The following CTNND2 variants were observed in gnomAD, a reference collection of about 807,000 sequenced individuals.
CTNND2 encodes catenin delta 2.
A neutral mutation model predicts 144.4 loss-of-function variants in CTNND2; 22 were observed. The ratio of observed to expected loss-of-function variants is 0.15; its 90% CI spans 0.11 to 0.22. CTNND2 has a LOEUF of 0.22. Ranked by LOEUF, CTNND2 falls within the 10% of genes least tolerant of loss-of-function variation. The probability of loss-of-function intolerance (pLI) is 1.00; values close to 1 mark genes in which losing one functional copy is unlikely to be tolerated. For synonymous variants in CTNND2, 751 were observed against 695.6 expected, an observed-to-expected ratio of 1.08 and a Z score of -1.25; for missense variants, 1,353 against 1,618.8, an observed-to-expected ratio of 0.84 and a Z score of 2.82.
intron 2 of CTNND2, among the ~76,000 whole-genome samples, chr5:11,586,002 G>A (rs1016741737): frequency 6.6e-6 from 1 of 152,180 alleles, no homozygotes; most frequent in African/African-American, 2.4e-5. Flanking sequence ...GGAGGGATGG[G>A]TGGCTGGTGG....
intron 3 of CTNND2, among the ~76,000 whole-genome samples, chr5:11,505,326 G>A (rs1259670080): frequency 6.6e-6 from 1 of 152,146 alleles, no homozygotes. Context: ...AGTTTGCCTA[G>A]GAGAGAAGTT....
At chr5:11,431,733 C>A (rs1304965884) in intron 3 of CTNND2, among the ~76,000 whole-genome samples, 1 of 152,102 alleles carries the variant, frequency 6.6e-6, no homozygotes, top group Non-Finnish European at 1.5e-5. Context: ...CAGTAAATTG[C>A]CTCAGTTATT....
At chr5:11,898,370 T>G (rs1458471) in intron 1 of CTNND2, among the ~76,000 whole-genome samples, 117,757 of 152,148 alleles carry the variant, frequency 0.77, 45,725 homozygotes, top group South Asian at 0.82. Context: ...CAATAAAGCA[T>G]TTGTACATTA....
At chr5:11,081,154 G>A (rs1432884326) in intron 16 of CTNND2, among the ~76,000 whole-genome samples, 1 of 151,466 alleles carries the variant, frequency 6.6e-6, no homozygotes, top group Admixed American at 6.6e-5. Flanking sequence ...AGGTAGAATG[G>A]TGGTTATGAG....
intron 9 of CTNND2, among the ~76,000 whole-genome samples, chr5:11,336,910 C>T (rs755211193): frequency 1.1e-4 from 17 of 152,080 alleles, no homozygotes; most frequent in Non-Finnish European, 2.5e-4. Context: ...AAGATTATCC[C>T]TAGAGGAAGA....
chr5:11,204,448 T>G (rs1737830067), intron 10 of CTNND2, among the ~76,000 whole-genome samples: 1 of 152,242 alleles, frequency 6.6e-6, no homozygotes, highest in East Asian at 1.9e-4. Context: ...TCTTCCTTGT[T>G]TTTTCCTTAA....
chr5:11,741,690 C>G (rs185728584), intron 1 of CTNND2, among the ~76,000 whole-genome samples: 1,565 of 151,178 alleles, frequency 0.01, 25 homozygotes, highest in African/African-American at 0.037. Flanking sequence ...GCACGTTGTA[C>G]ACATGTACCC....
At chr5:11,573,967 T>G (rs1777773143) in intron 2 of CTNND2, among the ~76,000 whole-genome samples, 1 of 152,142 alleles carries the variant, frequency 6.6e-6, no homozygotes, top group Non-Finnish European at 1.5e-5. Flanking sequence ...GCTACATGTC[T>G]TGGTATTTGA....
At chr5:11,040,424 A>G (rs940691458) in intron 16 of CTNND2, among the ~76,000 whole-genome samples, 1 of 152,194 alleles carries the variant, frequency 6.6e-6, no homozygotes, top group Non-Finnish European at 1.5e-5. Flanking sequence ...TACGGTATGC[A>G]TTTCTTTCAA....
At chr5:11,266,779 G>C (rs1284358028) in intron 9 of CTNND2, among the ~76,000 whole-genome samples, 1 of 152,168 alleles carries the variant, frequency 6.6e-6, no homozygotes, top group Non-Finnish European at 1.5e-5. Context: ...TTTTAATAAA[G>C]AAGCTGCCAT....
chr5:11,405,190 C>T (rs866417248), intron 5 of CTNND2, among the ~76,000 whole-genome samples: 46 of 152,296 alleles, frequency 3.0e-4, no homozygotes, highest in Admixed American at 6.5e-4. Flanking sequence ...GTTCTACACA[C>T]ATTGTGCTTG....
At chr5:11,890,304 T>A (rs1993565) in intron 1 of CTNND2, among the ~76,000 whole-genome samples, 2,754 of 152,292 alleles carry the variant, frequency 0.018, 88 homozygotes, top group African/African-American at 0.058. Flanking sequence ...CAAAAACCTG[T>A]CACAGCTGTA....
intron 1 of CTNND2, among the ~76,000 whole-genome samples, chr5:11,741,108 A>C (rs1286868436): frequency 6.6e-6 from 1 of 152,206 alleles, no homozygotes; most frequent in African/African-American, 2.4e-5. Context: ...GAATGCTTTT[A>C]CACTGTTGGT....
chr5:11,563,599 G>A (rs1776842604), intron 3 of CTNND2, among the ~76,000 whole-genome samples: 1 of 152,144 alleles, frequency 6.6e-6, no homozygotes, highest in Non-Finnish European at 1.5e-5. Context: ...ACACCATGAT[G>A]TACGTATTTG....
In CTNND2 at chr5:10,973,486, G is replaced by A. The variant is rs1348648154; in HGVS notation, c.3645C>T (p.Ser1215=). The A allele has an allele frequency of 6.2e-7, 1 of 1,600,678 alleles. No homozygotes were observed. Among genetic ancestry groups the A allele is most frequent in the Non-Finnish European group, 8.5e-7 (1 of 1,171,924 alleles). The change falls in exon 22 of 22, where the codon AGC becomes AGT. Residue 1215 remains serine, a synonymous_variant. Coordinates refer to ENST00000304623, the MANE Select transcript of CTNND2 (RefSeq NM_001332.4). This position sits in a 1 kb window ranked among gnomAD's most constrained non-coding sequence, Gnocchi z 5.6. ...AGGAGTCGGGGGAGGCCGGGTAGTGGCTCGTTTCATAGTTCAGTTCACTGT... is the reference window on the plus strand; with the variant it reads ...AGGAGTCGGGGGAGGCCGGGTAGTGACTCGTTTCATAGTTCAGTTCACTGT... ...RPYSELNYET[S]HYPASPDSWV
chr5:11,441,065 G>T (rs963068763), intron 3 of CTNND2, among the ~76,000 whole-genome samples: 1 of 152,100 alleles, frequency 6.6e-6, no homozygotes, highest in Non-Finnish European at 1.5e-5. Context: ...AAAACATAAT[G>T]TATTATCATT....
chr5:11,828,620 T>C (rs975253034), intron 1 of CTNND2, among the ~76,000 whole-genome samples: 1 of 152,218 alleles, frequency 6.6e-6, no homozygotes, highest in Non-Finnish European at 1.5e-5. Context: ...TTGCTCTTCC[T>C]TGCCTTCTGC....
intron 1 of CTNND2, among the ~76,000 whole-genome samples, chr5:11,736,803 A>T (rs946234323): frequency 6.6e-6 from 1 of 152,206 alleles, no homozygotes; most frequent in African/African-American, 2.4e-5. Flanking sequence ...GCCATTCCAG[A>T]TAAGTAAAAT....
At chr5:11,620,413 C>T (rs1283084742) in intron 2 of CTNND2, among the ~76,000 whole-genome samples, 4 of 152,156 alleles carry the variant, frequency 2.6e-5, no homozygotes, top group African/African-American at 7.2e-5. Flanking sequence ...TCCAGGACAG[C>T]GCCTACAGCC....
Sources: allele counts gnomAD v4.1 joint callset (sites outside exome capture counted in the v4.1 genomes callset), GRCh38; gene constraint gnomAD v4.1.1; non-coding constraint Gnocchi (gnomAD v3.1); transcripts MANE v1.5; gene names NCBI Gene and HGNC (gene_info 2026-07-23, HGNC 2026-07-21).